WDR33: variants seen among roughly 807,000 people sequenced by gnomAD.
The protein encoded by WDR33 is pre-mRNA 3' end processing protein WDR33.
WDR33 carries 47 observed loss-of-function variants against 164.9 expected under a neutral mutation model. The ratio of observed to expected loss-of-function variants is 0.29; its 90% CI spans 0.23 to 0.36. The LOEUF is 0.36. Among genes scored for constraint, WDR33 ranks in the 10% least tolerant of loss-of-function variants. The pLI, the probability that WDR33 is intolerant of heterozygous loss-of-function variation, is 1.00. For synonymous variants in WDR33, 505 were observed against 589.0 expected (o/e 0.86, Z 2.06); for missense variants, 1,137 against 1,754.1 (o/e 0.65, Z 6.28).
At chr2:127,788,325 G>A (rs1312519266) in intron 1 of WDR33, among the ~76,000 whole-genome samples, 2 of 118,792 alleles carry the variant, frequency 1.7e-5, no homozygotes, top group African/African-American at 3.5e-5. Context: ...CCCGGACGGG[G>A]CGGCTGGCCG....
At chr2:127,759,320 A>C (rs1687611041) in intron 7 of WDR33, among the ~76,000 whole-genome samples, 1 of 152,208 alleles carries the variant, frequency 6.6e-6, no homozygotes, top group African/African-American at 2.4e-5. Context: ...TACACCTTAG[A>C]AAATACTGAG....
rs1474753099 is a variant in WDR33 at position 127,711,777 on chromosome 2, TA to T, written c.3308+1805del. On this transcript the variant is annotated intron_variant, in intron 18 of 21. Coordinates refer to ENST00000322313, the MANE Select transcript of WDR33 (RefSeq NM_018383.5). The stretch of plus-strand genomic sequence containing the variant: ...ATATATATATATATATATATATATA[TA>T]TATTTTTTTTTTGAGACAGAGTCTC... 1.1e-4 allele frequency among the ~76,000 whole-genome samples: 12 copies of T among 106,438 alleles called. 1 individual carries two copies. In the South Asian group the frequency reaches 1.5e-3, roughly 13 times the overall value. 69.8% of individuals were successfully genotyped at this position (106,438 alleles called of 152,430 possible). A position where few individuals can be genotyped will look rare whatever the true frequency, so the allele number is the denominator to read the frequency against.
chr2:127,706,632 C>A lies in WDR33; in HGVS notation c.3782-80G>T. On this transcript the variant is annotated intron_variant, in intron 21 of 21. Transcript: ENST00000322313. The surrounding 1 kb of genome is among the most constrained non-coding windows in gnomAD (Gnocchi z 5.1). ...TAACTCCCAGTACAAACTTTACTCT[C>A]TGATGACAATGGACCAGTTCTGGTG... 1 of 1,334,776 alleles carries A rather than the reference C, an allele frequency of 7.5e-7. No individual in the cohort carries two copies. The highest frequency in any genetic ancestry group is 1.0e-6 in the Non-Finnish European group (1 of 967,956). The allele number at this position is 1,334,776 out of a possible 1,614,324, so 82.7% of individuals were successfully genotyped here.
intron 7 of WDR33, among the ~76,000 whole-genome samples, chr2:127,742,344 A>G (rs1246182213): frequency 1.3e-5 from 2 of 152,040 alleles, no homozygotes; most frequent in Non-Finnish European, 2.9e-5. Context: ...ACTAGGCAAC[A>G]AAAAATTAAA....
At position 127,789,365 on chromosome 2, in the gene WDR33, G is replaced by T. The variant is rs1180364387; in HGVS notation, c.-23-18361C>A. Among the ~76,000 whole-genome samples, 3 of 109,712 alleles carry T rather than the reference G, an allele frequency of 2.7e-5. No homozygotes were observed. The Admixed American group carries it at 2.9e-4, about 11-fold the overall frequency. 72.0% of individuals were successfully genotyped at this position (109,712 alleles called of 152,430 possible). A position where few individuals can be genotyped will look rare whatever the true frequency, so the allele number is the denominator to read the frequency against. ...CAAGGCAGGCGGCTGGGAGGTGTAG[G>T]TTGTAGTGAGCCGAGATCACGCCAC... On this transcript the variant is annotated intron_variant, in intron 1 of 21. Transcript: ENST00000322313.
At position 127,709,556 on chromosome 2, in the gene WDR33, G is replaced by A. The variant is rs181581961; in HGVS notation, c.3499C>T (p.Pro1167Ser). The A allele has an allele frequency of 1.2e-6, 2 of 1,614,046 alleles. No homozygotes were observed. Among genetic ancestry groups the A allele is most frequent in the Non-Finnish European group, 1.7e-6 (2 of 1,179,896 alleles). ...CCTTCAAAGCGAGGGAACTCGTCAG[G>A]AGTGGGAAGTAAACCCTTCCTTCCT... ...RGGRKGLLPT[P>S]DEFPRFEGGR... The change falls in exon 20 of 22, where the codon CCT becomes TCT. Residue 1167 changes from proline (P) to serine (S), a missense_variant. Coordinates refer to ENST00000322313, the MANE Select transcript of WDR33 (RefSeq NM_018383.5). This position sits in a 1 kb window ranked among gnomAD's most constrained non-coding sequence, Gnocchi z 5.0.
chr2:127,725,602 C>G lies in WDR33; in HGVS notation c.852-387G>C, dbSNP rs180734954. ...TACAAAAATTAGCCAGGCGTGATGGCGCATGCCTGTAGTCCCAGCTACTCA... is the reference window on the plus strand; with the variant it reads ...TACAAAAATTAGCCAGGCGTGATGGGGCATGCCTGTAGTCCCAGCTACTCA... On this transcript the variant is annotated intron_variant, in intron 8 of 21. Coordinates refer to ENST00000322313, the MANE Select transcript of WDR33 (RefSeq NM_018383.5). 5.7e-3 allele frequency among the ~76,000 whole-genome samples: 862 copies of G among 152,108 alleles called. 14 individuals are homozygous for G. Among genetic ancestry groups the G allele is most frequent in the African/African-American group, 0.019 (806 of 41,512 alleles).
Position 127,764,198 on chromosome 2 carries a change from C to T in WDR33, c.626+630G>A. 1 of 1,058,004 alleles carries T rather than the reference C, an allele frequency of 9.5e-7. No homozygotes were observed. The highest frequency in any genetic ancestry group is 1.7e-5 in the African/African-American group (1 of 59,482). The allele number at this position is 1,058,004 out of a possible 1,614,324, so 65.5% of individuals were successfully genotyped here. On this transcript the variant is annotated intron_variant, in intron 6 of 21. Coordinates refer to ENST00000322313, the MANE Select transcript of WDR33 (RefSeq NM_018383.5). The surrounding 1 kb of genome is among the most constrained non-coding windows in gnomAD (Gnocchi z 6.2). ...TATTTTAAACTCCACTTATTGTATA[C>T]ATTTGCATAAGTGATGTTATCAACA...
At chr2:127,791,175 C>T (rs1407477143) in intron 1 of WDR33, among the ~76,000 whole-genome samples, 4 of 113,544 alleles carry the variant, frequency 3.5e-5, no homozygotes, top group African/African-American at 1.3e-4. Context: ...CCCCCCCCCC[C>T]AGCAACTGCG....
At position 127,721,646 on chromosome 2, in the gene WDR33, A is replaced by G. The variant is rs759678712; in HGVS notation, c.1671+190T>C. 6.6e-6 allele frequency among the ~76,000 whole-genome samples: 1 copy of G among 152,178 alleles called. No homozygotes were observed. The highest frequency in any genetic ancestry group is 1.5e-5 in the Non-Finnish European group (1 of 68,038). On this transcript the variant is annotated intron_variant, in intron 15 of 21. Transcript: ENST00000322313. The surrounding 1 kb of genome is among the most constrained non-coding windows in gnomAD (Gnocchi z 4.9). ...AATAAATAAAACAAAATACATAAAT[A>G]ACACATTTTAAAAAATTTTAAGAAA...
At chr2:127,739,275 T>C (rs543592845) in intron 7 of WDR33, among the ~76,000 whole-genome samples, 1 of 152,342 alleles carries the variant, frequency 6.6e-6, no homozygotes, top group East Asian at 1.9e-4. Context: ...TATTCCACTT[T>C]CATCTCTGAG....
intron 17 of WDR33, among the ~76,000 whole-genome samples, chr2:127,715,495 T>C (rs1686278093): frequency 6.6e-6 from 1 of 152,190 alleles, no homozygotes; most frequent in African/African-American, 2.4e-5. Flanking sequence ...TAAAGGAGTC[T>C]CTCTCTTCCA....
chr2:127,711,776 A>AT (rs1284723078), intron 18 of WDR33, among the ~76,000 whole-genome samples: 8 of 94,080 alleles, frequency 8.5e-5, no homozygotes, highest in Non-Finnish European at 1.2e-4. Context: ...ATATATATAT[A>AT]TATATTTTTT....
Position 127,702,066 on chromosome 2 carries a change from C to G in WDR33, c.*4257G>C. On this transcript the variant is annotated 3_prime_UTR_variant, in exon 22 of 22. Transcript: ENST00000322313. ...GGGCGCGGGCGCGCAGGTGGCCGCG[C>G]TGCTGGCCGCGCTGGTTGGGCTGCT... 8.3e-7 allele frequency: 1 copy of G among 1,209,598 alleles called. No homozygotes were observed. The allele number at this position is 1,209,598 out of a possible 1,614,324, so 74.9% of individuals were successfully genotyped here. A position where few individuals can be genotyped will look rare whatever the true frequency, so the allele number is the denominator to read the frequency against.
At position 127,716,280 on chromosome 2, in the gene WDR33, G is replaced by A. The variant is rs879929438; in HGVS notation, c.2869+875C>T. On this transcript the variant is annotated intron_variant, in intron 17 of 21. Coordinates refer to ENST00000322313, the MANE Select transcript of WDR33 (RefSeq NM_018383.5). The surrounding 1 kb of genome is among the most constrained non-coding windows in gnomAD (Gnocchi z 4.5). ...AGGACTTTTCTTAATTGGATAAAAC[G>A]GGGGCAAAAATCTTAACATGCACCA... Among the ~76,000 whole-genome samples the A allele has an allele frequency of 2.6e-5, 4 of 152,108 alleles. No individual in the cohort carries two copies. The highest frequency in any genetic ancestry group is 4.8e-5 in the African/African-American group (2 of 41,398).
At chr2:127,755,626 CT>C in intron 7 of WDR33, among the ~76,000 whole-genome samples, 1 of 152,204 alleles carries the variant, frequency 6.6e-6, no homozygotes, top group East Asian at 1.9e-4. Context: ...GTGGTGGTGC[CT>C]TTTTTAGAAA....
In WDR33 at chr2:127,713,488, C is replaced by T. The variant is rs1686226721; in HGVS notation, c.3308+95G>A. On this transcript the variant is annotated intron_variant, in intron 18 of 21. Coordinates refer to ENST00000322313, the MANE Select transcript of WDR33 (RefSeq NM_018383.5). This position sits in a 1 kb window ranked among gnomAD's most constrained non-coding sequence, Gnocchi z 6.2. ...CAGGGCTGGTAATTGATATAATTCT[C>T]TTTCCTCAAGAAAAAGAAGAAAGAG... The T allele has an allele frequency of 1.4e-6, 2 of 1,403,542 alleles. No individual in the cohort carries two copies. The highest frequency in any genetic ancestry group is 2.0e-6 in the Non-Finnish European group (2 of 1,023,410). The allele number at this position is 1,403,542 out of a possible 1,614,324, so 86.9% of individuals were successfully genotyped here.
At chr2:127,808,628 C>T (rs1333169557) in intron 1 of WDR33, among the ~76,000 whole-genome samples, 1 of 152,186 alleles carries the variant, frequency 6.6e-6, no homozygotes, top group Admixed American at 6.5e-5. Flanking sequence ...AGCGCGGTGG[C>T]TCATGCCTGT....
At position 127,763,491 on chromosome 2, in the gene WDR33, G is replaced by C. The variant is rs1687738194; in HGVS notation, c.627-332C>G. 35 of 1,066,822 alleles carry C rather than the reference G, an allele frequency of 3.3e-5. No homozygotes were observed. Among genetic ancestry groups the C allele is most frequent in the Non-Finnish European group, 3.9e-5 (34 of 880,118 alleles). 66.1% of individuals were successfully genotyped at this position (1,066,822 alleles called of 1,614,324 possible). A position where few individuals can be genotyped will look rare whatever the true frequency, so the allele number is the denominator to read the frequency against. On this transcript the variant is annotated intron_variant, in intron 6 of 21. Transcript: ENST00000322313. The surrounding 1 kb of genome is among the most constrained non-coding windows in gnomAD (Gnocchi z 4.5). Reference sequence around the variant, plus strand: ...CTGCCTTAAGTGGTGAAAATAAATGGATTCTATTTTTGCAGTATTCCTGCA... The same window carrying C: ...CTGCCTTAAGTGGTGAAAATAAATGCATTCTATTTTTGCAGTATTCCTGCA...
Sources: gnomAD v4.1 joint callset for allele counts (sites outside exome capture counted in the v4.1 genomes callset) on GRCh38, gnomAD v4.1.1 for gene constraint, Gnocchi (gnomAD v3.1) non-coding constraint, MANE v1.5 for transcripts, NCBI Gene and HGNC (gene_info 2026-07-23, HGNC 2026-07-21) for gene names.